DBN1: variants seen among roughly 807,000 people sequenced by gnomAD.
DBN1 encodes the protein drebrin 1.
A neutral mutation model predicts 83.5 loss-of-function variants in DBN1; 21 were observed. The ratio of observed to expected loss-of-function variants is 0.25; its 90% CI spans 0.18 to 0.36. The LOEUF is 0.36. DBN1 is among the 10% of genes least tolerant of loss of function. The pLI, the probability that DBN1 is intolerant of heterozygous loss-of-function variation, is 1.00. For synonymous variants in DBN1, 381 were observed against 384.9 expected (o/e 0.99, Z 0.12); for missense variants, 874 against 935.7 (o/e 0.93, Z 0.86).
At chr5:177,463,182 G>T (rs185090079) in intron 8 of DBN1, among the ~76,000 whole-genome samples, 1 of 152,078 alleles carries the variant, frequency 6.6e-6, no homozygotes, top group Admixed American at 6.5e-5. Flanking sequence ...GACTACAGGC[G>T]CCCGCCACCA....
intron 10 of DBN1, 59 bp from the exon 11 acceptor site, chr5:177,459,799 AC>A: frequency 7.1e-7 from 1 of 1,398,932 alleles, no homozygotes; most frequent in Non-Finnish European, 9.3e-7. Context: ...AGTCTCCCCC[AC>A]CCCTGCCCGA....
rs746757375 is a variant in DBN1, at chr5:177,473,531, C to T, written c.-10G>A. The T allele has an allele frequency of 7.2e-7, 1 of 1,389,744 alleles. No individual in the cohort carries two copies. Among genetic ancestry groups the T allele is most frequent in the South Asian group, 1.5e-5 (1 of 67,730 alleles). 86.1% of individuals were successfully genotyped at this position (1,389,744 alleles called of 1,614,324 possible). A position where few individuals can be genotyped will look rare whatever the true frequency, so the allele number is the denominator to read the frequency against. The stretch of plus-strand genomic sequence containing the variant: ...AGCTGACGCCGGCCATGCTTCGGGC[C>T]GGACCGGGCCGAACGGACAGACGCG... On this transcript the variant is annotated 5_prime_UTR_variant, in exon 1 of 15. Transcript: ENST00000393565.
At chr5:177,461,908 T>C (rs905870198) in intron 8 of DBN1, among the ~76,000 whole-genome samples, 1 of 152,206 alleles carries the variant, frequency 6.6e-6, no homozygotes, top group Non-Finnish European at 1.5e-5. Flanking sequence ...ACCATGTTCA[T>C]TAGTTACCAC....
At chr5:177,460,603 A>G in intron 9 of DBN1, 41 bp downstream of exon 9, 1 of 1,614,132 alleles carries the variant, frequency 6.2e-7, no homozygotes, top group Non-Finnish European at 8.5e-7. Context: ...AAGCTGAGAT[A>G]GCCCTGTCTG....
At chr5:177,472,311 C>T in intron 1 of DBN1, 1 of 1,546,206 alleles carries the variant, frequency 6.5e-7, no homozygotes, top group Non-Finnish European at 8.7e-7. Flanking sequence ...CAGACCTGCC[C>T]TCCTCTTTGC....
In DBN1 at chr5:177,457,804, G is replaced by C. The variant is rs753934001; in HGVS notation, c.1915-47C>G. 50 of 1,311,792 alleles carry C rather than the reference G, an allele frequency of 3.8e-5. 2 individuals carry two copies. The South Asian group carries it at 5.1e-4, about 14-fold the overall frequency. The allele number at this position is 1,311,792 out of a possible 1,614,324, so 81.3% of individuals were successfully genotyped here. A position where few individuals can be genotyped will look rare whatever the true frequency, so the allele number is the denominator to read the frequency against. ...CACTTGGCCCCACCCAGCAGGACTG[G>C]GGCTGACCTATCAGGCCTGAGCCCG... On this transcript the variant is annotated intron_variant, in intron 13 of 14. Coordinates refer to ENST00000393565, the MANE Select transcript of DBN1 (RefSeq NM_001363541.2).
At position 177,466,947 on chromosome 5, in the gene DBN1, C is replaced by T. The variant is rs1757485593; in HGVS notation, c.671G>A (p.Arg224His). 7 of 1,612,600 alleles carry T rather than the reference C, an allele frequency of 4.3e-6. No individual in the cohort carries two copies. The highest frequency in any genetic ancestry group is 5.9e-6 in the Non-Finnish European group (7 of 1,179,780). ...ERQEQEERER[R>H]YREREQQIEE... is the part of the protein sequence containing the mutation. ...GATCTGCTGCTCCCGCTCCCGGTAG[C>T]GCCGCTCGCGCTCCTCTTGCTCCTG... The change falls in exon 7 of 15, where the codon CGC (arginine) becomes CAC (histidine). Residue 224 changes from arginine to histidine, a missense_variant. Coordinates refer to ENST00000393565, the MANE Select transcript of DBN1 (RefSeq NM_001363541.2). The surrounding 1 kb of genome is among the most constrained non-coding windows in gnomAD (Gnocchi z 4.8).
chr5:177,457,542 A>G (rs756677120), intron 14 of DBN1, 39 bp from the exon 15 acceptor site: 15 of 1,594,444 alleles, frequency 9.4e-6, no homozygotes, highest in Non-Finnish European at 1.3e-5. Context: ...GGGACCTAGC[A>G]GACCGCTTGT....
At chr5:177,472,134 G>C (rs1554104427) in intron 1 of DBN1, 1 of 1,611,734 alleles carries the variant, frequency 6.2e-7, no homozygotes, top group East Asian at 2.2e-5. Flanking sequence ...GGACACGAGA[G>C]CTTGTCTCTC....
chr5:177,461,716 C>A (rs1757056274), intron 8 of DBN1, among the ~76,000 whole-genome samples: 2 of 152,100 alleles, frequency 1.3e-5, no homozygotes, highest in South Asian at 4.1e-4. Flanking sequence ...CATGGTCCAG[C>A]CTTCCTCACT....
chr5:177,458,789 G>A (rs760887286), intron 12 of DBN1, 82 bp from the exon 13 acceptor site: 6 of 1,313,350 alleles, frequency 4.6e-6, no homozygotes, highest in African/African-American at 1.5e-5. Context: ...TAAGGAGTGA[G>A]GGAGCCAGGG....
chr5:177,459,373 G>C, intron 11 of DBN1, 105 bp from the exon 12 acceptor site: 1 of 1,500,820 alleles, frequency 6.7e-7, no homozygotes, highest in South Asian at 1.3e-5. Context: ...AATCTGGGTG[G>C]GGGCTGGGAG....
In DBN1 at chr5:177,471,290, C is replaced by G. The variant is rs374542348; in HGVS notation, c.86+2146G>C. On this transcript the variant is annotated intron_variant, in intron 1 of 14. Transcript: ENST00000393565. ...GTGCTGGGCCCAATCCCTTTTCTTTCCAAGAGGACCAGGAACTTGTGTATG... is the reference window on the plus strand; with the variant it reads ...GTGCTGGGCCCAATCCCTTTTCTTTGCAAGAGGACCAGGAACTTGTGTATG... Among the ~76,000 whole-genome samples the G allele has an allele frequency of 2.6e-5, 4 of 152,194 alleles. No individual in the cohort carries two copies. The East Asian group carries it at 5.8e-4, about 22-fold the overall frequency.
At chr5:177,465,737 C>G (rs1424914880) in intron 8 of DBN1, among the ~76,000 whole-genome samples, 1 of 151,896 alleles carries the variant, frequency 6.6e-6, no homozygotes, top group Non-Finnish European at 1.5e-5. Flanking sequence ...CGCCTGTAAT[C>G]CCAGCTACTC....
At position 177,468,865 on chromosome 5, in the gene DBN1, G is replaced by T; in HGVS notation, c.121C>A (p.Leu41Ile). The change falls in exon 2 of 15, where the codon CTC becomes ATC. Residue 41 changes from leucine to isoleucine, a missense_variant. Leu to Ile is a conservative substitution (Grantham distance 5). This residue lies in a region of DBN1 where 82 missense variants were observed against 101.7 expected (regional missense o/e 0.81). Transcript: ENST00000393565. ...LYTYEDGSDD[L>I]KLAASGEGGL... ...CTACCTCCTGATGCTGCAAGCTTGA[G>T]GTCATCGGAGCCATCTTCATATGTG... 1 of 1,322,304 alleles carries T rather than the reference G, an allele frequency of 7.6e-7. No individual in the cohort carries two copies. Among genetic ancestry groups the T allele is most frequent in the South Asian group, 3.0e-5 (1 of 33,134 alleles). 81.9% of individuals were successfully genotyped at this position (1,322,304 alleles called of 1,614,324 possible).
At chr5:177,460,786 G>T in intron 8 of DBN1, 83 bp from the exon 9 acceptor site, 2 of 1,430,770 alleles carry the variant, frequency 1.4e-6, no homozygotes, top group South Asian at 1.2e-5. Context: ...TTTATTTATT[G>T]ATTTTGTTTT....
rs951485393 is a variant in DBN1, at chr5:177,459,184, G to A, written c.1178C>T (p.Pro393Leu). Reference protein sequence around the residue: ...SPSDSSTASTPVAEQIERALD... With the variant: ...SPSDSSTASTLVAEQIERALD... The stretch of plus-strand genomic sequence containing the variant: ...GGCCCGCTCTATCTGCTCAGCGACA[G>A]GGGTGGAGGCGGTGCTGGAGTCAGA... Residue 393 changes from proline (P) to leucine (L), a missense_variant, in exon 12 of 15, where the codon CCT becomes CTT. Transcript: ENST00000393565. 3 of 1,611,436 alleles carry A rather than the reference G, an allele frequency of 1.9e-6. No individual in the cohort carries two copies. The highest frequency in any genetic ancestry group is 1.7e-5 in the Admixed American group (1 of 59,374).
At chr5:177,469,829 G>A (rs1262665698) in intron 1 of DBN1, among the ~76,000 whole-genome samples, 3 of 152,214 alleles carry the variant, frequency 2.0e-5, no homozygotes, top group African/African-American at 7.2e-5. Context: ...CGGGGCCTAG[G>A]AGGAAGGGCC....
chr5:177,458,431 A>G lies in DBN1; in HGVS notation c.1541T>C (p.Val514Ala). ...AATGAGGCTGGTGGCGGCGGGGGGT[A>G]CGTTGTTGGCAACAGTGGTGTCAGC... ...ATADTTVANN[V>A]PPAATSLIDL... Residue 514 changes from valine (V) to alanine (A), a missense_variant, in exon 13 of 15, where the codon GTA becomes GCA. Physicochemically the swap from Val to Ala is moderately conservative, Grantham distance 64 (BLOSUM62 0). Transcript: ENST00000393565. The G allele has an allele frequency of 6.2e-7, 1 of 1,614,142 alleles. No homozygotes were observed. Among genetic ancestry groups the G allele is most frequent in the Non-Finnish European group, 8.5e-7 (1 of 1,180,000 alleles).
Sources: allele counts gnomAD v4.1 joint callset (sites outside exome capture counted in the v4.1 genomes callset), GRCh38; gene constraint gnomAD v4.1.1; regional missense constraint gnomAD v4.1.1; non-coding constraint Gnocchi (gnomAD v3.1); transcripts MANE v1.5; gene names NCBI Gene and HGNC (gene_info 2026-07-23, HGNC 2026-07-21).